Variants in LRCH2 observed in about 807,000 individuals in gnomAD.
LRCH2 encodes leucine rich repeats and calponin homology domain containing 2.
LRCH2 carries 38 observed loss-of-function variants against 68.9 expected under a neutral mutation model. That is an observed-to-expected ratio of 0.55 (90% CI 0.43 to 0.72). The LOEUF is 0.72. LRCH2 is among the 30% of genes least tolerant of loss of function. LRCH2 has a pLI of 0.00. For synonymous variants in LRCH2, 191 were observed against 208.1 expected (o/e 0.92, Z 0.71); for missense variants, 528 against 572.9 (o/e 0.92, Z 0.80).
At chrX:115,182,163 C>T (rs2072697078) in intron 3 of LRCH2, among the ~76,000 whole-genome samples, 1 of 111,465 alleles carries the variant, frequency 9.0e-6, no homozygotes, top group African/African-American at 3.3e-5. Flanking sequence ...AGAGGGACAA[C>T]TGTACTAGAA....
intron 1 of LRCH2, chrX:115,189,869 G>A (rs2147418192): frequency 8.6e-7 from 1 of 1,165,124 alleles, no homozygotes; most frequent in Non-Finnish European, 1.1e-6. Flanking sequence ...TGGCCCTACA[G>A]GGCCCCGATG....
chrX:115,216,100 C>T (rs1224009341), intron 1 of LRCH2, among the ~76,000 whole-genome samples: 2 of 111,520 alleles, frequency 1.8e-5, no homozygotes, highest in African/African-American at 6.5e-5. Context: ...AAAGGCTAAA[C>T]AAATTTTTAT....
In LRCH2 at chrX:115,191,232, C is replaced by G. The variant is rs1398887697; in HGVS notation, c.350-2862G>C. 4 of 1,154,226 alleles carry G rather than the reference C, an allele frequency of 3.5e-6. No individual in the cohort carries two copies. In the African/African-American group the frequency reaches 7.4e-5, roughly 21 times the overall value. ...GCTGCTACGAGGAGTACCGAGGCCG[C>G]TCCCTCGATGCCAACAGTGGAGGCC... On this transcript the variant is annotated intron_variant, in intron 1 of 20. Transcript: ENST00000317135.
chrX:115,121,277 T>G (rs2147344218), intron 20 of LRCH2, among the ~76,000 whole-genome samples: 1 of 110,622 alleles, frequency 9.0e-6, no homozygotes, highest in East Asian at 2.8e-4. Context: ...GCAGAAAACG[T>G]TGCTAAGTTT....
chrX:115,191,752 CACCGCTACGGAGGAGGAG>C (rs2147331771), intron 1 of LRCH2: 3 of 1,042,555 alleles, frequency 2.9e-6, no homozygotes, highest in Middle Eastern at 5.2e-4. Flanking sequence ...CAGCCGGAGC[CACCGCTACGGAGGAGGAG>C]GCCGCTACGA....
At chrX:115,117,098 C>A (rs1556524323) in intron 20 of LRCH2, among the ~76,000 whole-genome samples, 1 of 111,067 alleles carries the variant, frequency 9.0e-6, no homozygotes, top group African/African-American at 3.3e-5. Flanking sequence ...ACAAAATATA[C>A]CTCAGATTAG....
At chrX:115,120,068 T>A (rs2072122992) in intron 20 of LRCH2, among the ~76,000 whole-genome samples, 1 of 105,273 alleles carries the variant, frequency 9.5e-6, no homozygotes, top group Non-Finnish European at 2.0e-5. Flanking sequence ...ATAAAAACCC[T>A]AGAAGAAAAC....
intron 5 of LRCH2, among the ~76,000 whole-genome samples, chrX:115,178,424 T>G (rs1459547103): frequency 1.5e-4 from 17 of 112,344 alleles, no homozygotes; most frequent in Non-Finnish European, 9.4e-5. Context: ...ATTGGACCAG[T>G]GTCGATTATA....
chrX:115,213,413 A>C, intron 1 of LRCH2, among the ~76,000 whole-genome samples: 1 of 111,747 alleles, frequency 8.9e-6, no homozygotes, highest in Non-Finnish European at 1.9e-5. Context: ...TCCAAGCCTC[A>C]TTCTCCATAT....
Position 115,184,656 on chromosome X carries a change from C to A in LRCH2, c.495-119G>T, listed in dbSNP as rs1345781370. ...TCACTAAGTAATAACTTAATAAGTACTTGCTGAGTGCTCACTTTGTATCAG... is the reference window on the plus strand; with the variant it reads ...TCACTAAGTAATAACTTAATAAGTAATTGCTGAGTGCTCACTTTGTATCAG... On this transcript the variant is annotated intron_variant, in intron 2 of 20. Transcript: ENST00000317135. 7.8e-5 allele frequency: 48 copies of A among 614,339 alleles called. No homozygotes were observed. In the East Asian group the frequency reaches 1.8e-3, roughly 23 times the overall value. The allele number at this position is 614,339 out of a possible 1,213,427, so 50.6% of individuals were successfully genotyped here. A position where few individuals can be genotyped will look rare whatever the true frequency, so the allele number is the denominator to read the frequency against.
intron 11 of LRCH2, among the ~76,000 whole-genome samples, chrX:115,161,931 T>G (rs1396725673): frequency 1.8e-4 from 2 of 11,232 alleles, no homozygotes; most frequent in Non-Finnish European, 3.7e-4. Context: ...GGCCTGTCGG[T>G]TTTTTTTTTT....
intron 11 of LRCH2, among the ~76,000 whole-genome samples, chrX:115,159,821 A>G (rs1485254141): frequency 2.7e-5 from 3 of 110,874 alleles, no homozygotes; most frequent in Non-Finnish European, 5.7e-5. Flanking sequence ...TTAATCAGAC[A>G]AAGTGGAGGC....
At chrX:115,179,998 C>T (rs2147405127) in intron 3 of LRCH2, among the ~76,000 whole-genome samples, 2 of 110,251 alleles carry the variant, frequency 1.8e-5, no homozygotes, top group African/African-American at 3.3e-5. Flanking sequence ...TAACTACAAC[C>T]TCTCGAAAAT....
Position 115,165,436 on chromosome X carries a change from G to C in LRCH2, c.1324C>G (p.Arg442Gly), listed in dbSNP as rs1474593682. Residue 442 changes from arginine to glycine, a missense_variant, in exon 10 of 21, where the codon CGG (arginine) becomes GGG (glycine). Physicochemically the swap from Arg to Gly is moderately radical, Grantham distance 125 (BLOSUM62 -2). Transcript: ENST00000317135. ...KGKEKCSEKSRKNEELGDEKR... is the reference protein window; with the variant it reads ...KGKEKCSEKSGKNEELGDEKR... ...TCATCTCCTAATTCTTCATTTTTCC[G>C]AGATTTTTCAGAACATTTTTCTTTT... The C allele has an allele frequency of 8.8e-7, 1 of 1,131,617 alleles. No homozygotes were observed. The highest frequency in any genetic ancestry group is 1.2e-6 in the Non-Finnish European group (1 of 847,180). The allele number at this position is 1,131,617 out of a possible 1,213,427, so 93.3% of individuals were successfully genotyped here.
rs187470652 is a variant in LRCH2 at position 115,216,829 on chromosome X, T to C, written c.349+16864A>G. Among the ~76,000 whole-genome samples the C allele has an allele frequency of 1.1e-3, 119 of 111,533 alleles. 1 individual carries two copies. Among genetic ancestry groups the C allele is most frequent in the African/African-American group, 3.7e-3 (113 of 30,657 alleles). On this transcript the variant is annotated intron_variant, in intron 1 of 20. Coordinates refer to ENST00000317135, the MANE Select transcript of LRCH2 (RefSeq NM_020871.4). ...ACCATGGAGGGTGTAGAAGAGAAGA[T>C]GAAGAAGGTTCCTGCTGTGCCAGAA...
chrX:115,213,277 T>C (rs1286801379), intron 1 of LRCH2, among the ~76,000 whole-genome samples: 2 of 111,672 alleles, frequency 1.8e-5, no homozygotes, highest in Admixed American at 9.5e-5. Context: ...CAGCAGGGCT[T>C]AGAAGTTGCA....
intron 1 of LRCH2, chrX:115,190,252 G>A: frequency 8.6e-7 from 1 of 1,159,533 alleles, no homozygotes; most frequent in Non-Finnish European, 1.2e-6. Flanking sequence ...CAGTGTCCCG[G>A]ACTACCGTCC....
At chrX:115,118,803 C>T (rs2072107964) in intron 20 of LRCH2, among the ~76,000 whole-genome samples, 1 of 110,225 alleles carries the variant, frequency 9.1e-6, no homozygotes, top group South Asian at 3.9e-4. Flanking sequence ...AGCAGCACAT[C>T]AAAAAGCTTA....
chrX:115,143,412 C>G (rs985120554), intron 14 of LRCH2, among the ~76,000 whole-genome samples: 1 of 111,197 alleles, frequency 9.0e-6, no homozygotes, highest in South Asian at 3.8e-4. Context: ...ACACATAAAA[C>G]CTACCAAAAT....
Sources: allele counts gnomAD v4.1 joint callset (sites outside exome capture counted in the v4.1 genomes callset), GRCh38; gene constraint gnomAD v4.1.1; transcripts MANE v1.5; gene names NCBI Gene and HGNC (gene_info 2026-07-23, HGNC 2026-07-21).